DISC1: variants seen among roughly 807,000 people sequenced by gnomAD.
The protein encoded by DISC1 is DISC1 scaffold protein.
In DISC1, 57 loss-of-function variants were observed where a neutral mutation model predicts 84.5. That is an observed-to-expected ratio of 0.67 (90% CI 0.55 to 0.84). The LOEUF is 0.84. Ranked by LOEUF, DISC1 falls within the 40% of genes least tolerant of loss-of-function variation. DISC1 has a pLI of 0.00. For missense variants in DISC1, 1,000 were observed against 1,057.8 expected, an observed-to-expected ratio of 0.95 and a Z score of 0.76; for synonymous variants, 411 against 415.2, an observed-to-expected ratio of 0.99 and a Z score of 0.12.
rs528663531 is a variant in DISC1, at chr1:232,029,571, T to G, written c.2425+3019T>G. Among the ~76,000 whole-genome samples, 6 of 152,358 alleles carry G rather than the reference T, an allele frequency of 3.9e-5. No individual in the cohort carries two copies. In the East Asian group the frequency reaches 1.2e-3, roughly 29 times the overall value. On this transcript the variant is annotated intron_variant, in intron 12 of 12. Transcript: ENST00000439617. ...CTTGTTGTCAACAATACAGAAGGAT[T>G]GCACAGTGAGTGCAGTGTTTTGTTT...
chr1:231,801,247 T>G (rs1482249674), intron 8 of DISC1, among the ~76,000 whole-genome samples: 1 of 151,950 alleles, frequency 6.6e-6, no homozygotes, highest in Admixed American at 6.6e-5. Context: ...TCACATGCCA[T>G]TTACTTGAAA....
At chr1:231,649,157 A>C (rs12090984) in intron 1 of DISC1, among the ~76,000 whole-genome samples, 4,876 of 152,184 alleles carry the variant, frequency 0.032, 250 homozygotes, top group African/African-American at 0.11. Context: ...TTAGGATGTC[A>C]ATTTTAGATC....
chr1:231,843,797 T>C (rs2083256160), intron 9 of DISC1, among the ~76,000 whole-genome samples: 1 of 152,152 alleles, frequency 6.6e-6, no homozygotes, highest in East Asian at 1.9e-4. Flanking sequence ...ATTGTATGTC[T>C]CCTTTGAGCC....
rs943879334 is a variant in DISC1 at position 231,954,485 on chromosome 1, C to G, written c.1982-4343C>G. 6.6e-5 allele frequency among the ~76,000 whole-genome samples: 10 copies of G among 152,062 alleles called. No individual in the cohort carries two copies. Among genetic ancestry groups the G allele is most frequent in the Non-Finnish European group, 1.2e-4 (8 of 68,032 alleles). ...TGGCCTGAACCTGAATATCAGATTC[C>G]CTTAATAAACAGAAACAGTGAATGT... On this transcript the variant is annotated intron_variant, in intron 9 of 12. Transcript: ENST00000439617. The surrounding 1 kb of genome is among the most constrained non-coding windows in gnomAD (Gnocchi z 4.8).
rs1007872026 is a variant in DISC1 at position 231,701,991 on chromosome 1, G to C, written c.1084G>C (p.Glu362Gln). The C allele has an allele frequency of 1.2e-6, 2 of 1,607,504 alleles. No homozygotes were observed. Among genetic ancestry groups the C allele is most frequent in the African/African-American group, 2.7e-5 (2 of 74,708 alleles). The change falls in exon 3 of 13, where the codon GAA becomes CAA. Residue 362 changes from glutamate to glutamine, a missense_variant. Glu to Gln is a conservative substitution (Grantham distance 29). Coordinates refer to ENST00000439617, the MANE Select transcript of DISC1 (RefSeq NM_018662.3). Reference protein sequence around the residue: ...SLRLKLQKLQEDAVENDDYDK... With the variant: ...SLRLKLQKLQQDAVENDDYDK... ...AAGATTAAAACTTCAGAAACTTCAG[G>C]AAGATGCAGTTGAGAATGATGATTA...
chr1:231,657,183 C>T (rs947477385), intron 1 of DISC1, among the ~76,000 whole-genome samples: 1 of 152,050 alleles, frequency 6.6e-6, no homozygotes, highest in African/African-American at 2.4e-5. Flanking sequence ...AATGGTACGC[C>T]TCTAGGTCTT....
chr1:231,872,157 A>G (rs1052320739), intron 9 of DISC1, among the ~76,000 whole-genome samples: 18 of 152,342 alleles, frequency 1.2e-4, no homozygotes, highest in African/African-American at 3.1e-4. Context: ...ATCAATACCT[A>G]TATCTCAAAA....
intron 8 of DISC1, among the ~76,000 whole-genome samples, chr1:231,814,565 T>G (rs1442427996): frequency 1.3e-5 from 2 of 152,210 alleles, no homozygotes; most frequent in Non-Finnish European, 2.9e-5. Context: ...ACATTTGGAC[T>G]CAATGTTGTC....
chr1:231,790,798 G>A (rs1326762495), intron 6 of DISC1, among the ~76,000 whole-genome samples: 3 of 152,108 alleles, frequency 2.0e-5, no homozygotes, highest in Non-Finnish European at 2.9e-5. Context: ...GATTACAGGC[G>A]TGAGCCACCG....
At chr1:231,938,617 C>T (rs2091118665) in intron 9 of DISC1, among the ~76,000 whole-genome samples, 1 of 152,194 alleles carries the variant, frequency 6.6e-6, no homozygotes, top group Non-Finnish European at 1.5e-5. Flanking sequence ...CCAGCCGAGT[C>T]CTTCTGTGTT....
chr1:231,951,907 A>G (rs796075211), intron 9 of DISC1, among the ~76,000 whole-genome samples: 16 of 151,974 alleles, frequency 1.1e-4, no homozygotes, highest in African/African-American at 3.6e-4. Flanking sequence ...CTCTACAAAA[A>G]AATTAAAAAA....
intron 9 of DISC1, among the ~76,000 whole-genome samples, chr1:231,908,019 G>A (rs1411559273): frequency 2.0e-5 from 3 of 152,138 alleles, no homozygotes; most frequent in Middle Eastern, 3.2e-3. Context: ...TTTTGATGGG[G>A]TTGTTTGACT....
chr1:231,855,994 A>G (rs199786615), intron 9 of DISC1, among the ~76,000 whole-genome samples: 3 of 152,232 alleles, frequency 2.0e-5, no homozygotes, highest in Non-Finnish European at 2.9e-5. Context: ...CTGGGTGACT[A>G]TCTGGCGATG....
chr1:231,747,454 A>G (rs113859445), intron 3 of DISC1, among the ~76,000 whole-genome samples: 8 of 152,282 alleles, frequency 5.3e-5, no homozygotes, highest in African/African-American at 1.9e-4. Context: ...ACAGGGGTCT[A>G]CTTTCATCCT....
At chr1:231,952,584 G>C (rs1658629419) in intron 9 of DISC1, among the ~76,000 whole-genome samples, 1 of 151,332 alleles carries the variant, frequency 6.6e-6, no homozygotes, top group Admixed American at 6.6e-5. Context: ...CCTCTCACTG[G>C]GGAGAAAGAG....
intron 1 of DISC1, among the ~76,000 whole-genome samples, chr1:231,685,396 T>G (rs1401994527): frequency 6.6e-6 from 1 of 152,142 alleles, no homozygotes; most frequent in Non-Finnish European, 1.5e-5. Flanking sequence ...CAGTTCCACA[T>G]GGCTGGGGAG....
intron 8 of DISC1, among the ~76,000 whole-genome samples, chr1:231,800,513 A>ATTTACAGAT (rs2079147181): frequency 6.6e-6 from 1 of 152,098 alleles, no homozygotes; most frequent in Non-Finnish European, 1.5e-5. Flanking sequence ...CTGAATGAGG[A>ATTTACAGAT]TTATTGGGTG....
chr1:231,847,679 T>G (rs1463016232), intron 9 of DISC1, among the ~76,000 whole-genome samples: 1 of 152,088 alleles, frequency 6.6e-6, no homozygotes, highest in Non-Finnish European at 1.5e-5. Context: ...CCTAAAATGG[T>G]TTCTCCTTAG....
chr1:231,731,099 C>T (rs1458395271), intron 3 of DISC1, among the ~76,000 whole-genome samples: 1 of 152,076 alleles, frequency 6.6e-6, no homozygotes, highest in Non-Finnish European at 1.5e-5. Flanking sequence ...CTGAATTTCA[C>T]TTTAATATTT....
Sources: gnomAD v4.1 joint callset for allele counts (sites outside exome capture counted in the v4.1 genomes callset) on GRCh38, gnomAD v4.1.1 for gene constraint, Gnocchi (gnomAD v3.1) non-coding constraint, MANE v1.5 for transcripts, NCBI Gene and HGNC (gene_info 2026-07-23, HGNC 2026-07-21) for gene names.